Variants in VPS13C observed in about 807,000 individuals in gnomAD.
VPS13C encodes the protein vacuolar protein sorting 13 homolog C.
VPS13C carries 358 observed loss-of-function variants against 456.8 expected under a neutral mutation model. The observed-to-expected ratio is 0.78, with a 90% confidence interval of 0.72 to 0.86. The LOEUF (loss-of-function observed/expected upper bound fraction) is 0.86, where lower values mean the gene tolerates loss of function less well. Among genes scored for constraint, VPS13C ranks in the 40% least tolerant of loss-of-function variants. The pLI, the probability that VPS13C is intolerant of heterozygous loss-of-function variation, is 0.00. For missense variants in VPS13C, 4,818 were observed against 4,385.4 expected (o/e 1.10, Z -2.79); for synonymous variants, 1,578 against 1,486.7 (o/e 1.06, Z -1.41).
At chr15:61,964,913 T>C (rs765003312) in intron 30 of VPS13C, 52 bp from the exon 31 acceptor site, 2 of 1,544,018 alleles carry the variant, frequency 1.3e-6, no homozygotes, top group Admixed American at 1.9e-5. Flanking sequence ...TTATAACCTG[T>C]AGTCTCCACG....
intron 11 of VPS13C, among the ~76,000 whole-genome samples, 195 bp from the exon 12 acceptor site, chr15:62,012,359 T>C (rs948018026): frequency 2.0e-5 from 3 of 151,900 alleles, no homozygotes; most frequent in Middle Eastern, 3.2e-3. Flanking sequence ...CAGAAGCAGA[T>C]AATTTTAAGA....
rs2047897733 is a variant in VPS13C at position 62,033,812 on chromosome 15, G to C, written c.284-270C>G. 4.0e-5 allele frequency among the ~76,000 whole-genome samples: 6 copies of C among 151,400 alleles called. No individual in the cohort carries two copies. In the South Asian group the frequency reaches 1.2e-3, roughly 31 times the overall value. ...GAGACAGGAGGAGGGTGAGAACAAAGATAAGAAGTAGAAACAGAAGGAAGA... is the reference window on the plus strand; with the variant it reads ...GAGACAGGAGGAGGGTGAGAACAAACATAAGAAGTAGAAACAGAAGGAAGA... On this transcript the variant is annotated intron_variant, in intron 4 of 84. Transcript: ENST00000644861.
Position 61,946,345 on chromosome 15 carries a change from T to C in VPS13C, c.4942A>G (p.Ile1648Val). The part of the protein sequence containing the change: ...TDVFARLKDI[I>V]VMNVDLQSIH... Reference sequence around the variant, plus strand: ...GACTGCAAATCTACATTCATAACTATAATATCTTTAAGTCTGGCAAACACA... The same window carrying C: ...GACTGCAAATCTACATTCATAACTACAATATCTTTAAGTCTGGCAAACACA... Residue 1648 changes from isoleucine (I) to valine (V), a missense_variant, in exon 44 of 85, where the codon ATA becomes GTA. By Grantham distance (29) the Ile-to-Val change is conservative. Around this residue, in one of 3 missense-constraint regions of VPS13C, gnomAD observed 4,552 missense variants for 4,130.6 expected, o/e 1.10. Coordinates refer to ENST00000644861, the MANE Select transcript of VPS13C (RefSeq NM_020821.3). The C allele has an allele frequency of 1.2e-6, 2 of 1,608,726 alleles. No individual in the cohort carries two copies. The highest frequency in any genetic ancestry group is 8.5e-7 in the Non-Finnish European group (1 of 1,177,906).
Position 61,917,390 on chromosome 15 carries a change from G to C in VPS13C, c.8006C>G (p.Ser2669Cys), listed in dbSNP as rs1232516247. 2 of 1,613,948 alleles carry C rather than the reference G, an allele frequency of 1.2e-6. No homozygotes were observed. The highest frequency in any genetic ancestry group is 4.5e-5 in the East Asian group (2 of 44,862). ...TGGGAGAAGATTCCGCAAAGTGAGA[G>C]AAGGATAAAGATGAATAATGTAAGC... is the stretch of plus-strand genomic sequence containing the variant. ...DVAYIIHLYP[S>C]LTLRNLLPYS... The change falls in exon 60 of 85, where the codon TCT (serine) becomes TGT (cysteine). Residue 2669 changes from serine to cysteine, a missense_variant. Ser to Cys is a moderately radical substitution (Grantham distance 112, BLOSUM62 -1). Transcript: ENST00000644861.
intron 13 of VPS13C, among the ~76,000 whole-genome samples, chr15:62,008,999 CAAAAG>C (rs1341227503): frequency 6.6e-6 from 1 of 152,002 alleles, no homozygotes; most frequent in Admixed American, 6.6e-5. Flanking sequence ...GGTTCTACTA[CAAAAG>C]AAAACTGCTG....
intron 66 of VPS13C, among the ~76,000 whole-genome samples, chr15:61,904,114 A>G (rs983799473): frequency 6.6e-6 from 1 of 152,194 alleles, no homozygotes; most frequent in Non-Finnish European, 1.5e-5. Context: ...AATCAACACA[A>G]GTGAAAACAA....
At chr15:61,881,902 A>C in intron 69 of VPS13C, 74 bp from the exon 70 acceptor site, 1 of 1,289,078 alleles carries the variant, frequency 7.8e-7, no homozygotes, top group Non-Finnish European at 1.1e-6. Context: ...AATGTTATAG[A>C]AGAGGCCACC....
intron 50 of VPS13C, 114 bp downstream of exon 50, chr15:61,930,976 A>G: frequency 1.6e-6 from 2 of 1,235,996 alleles, no homozygotes; most frequent in South Asian, 2.5e-5. Flanking sequence ...ATCAGGAAGT[A>G]TGACCAAAAG....
At chr15:61,958,263 T>C (rs925047150) in intron 37 of VPS13C, among the ~76,000 whole-genome samples, 5 of 152,062 alleles carry the variant, frequency 3.3e-5, no homozygotes, top group African/African-American at 1.2e-4. Flanking sequence ...AAAAATCAGA[T>C]ACACTATGCT....
intron 47 of VPS13C, among the ~76,000 whole-genome samples, chr15:61,938,087 T>C (rs985372399): frequency 2.0e-5 from 3 of 152,158 alleles, no homozygotes; most frequent in Non-Finnish European, 4.4e-5. Context: ...TACAGAGCTA[T>C]TTAAGTACAA....
intron 6 of VPS13C, among the ~76,000 whole-genome samples, chr15:62,024,372 T>C (rs998118297): frequency 6.6e-6 from 1 of 152,116 alleles, no homozygotes; most frequent in East Asian, 1.9e-4. Context: ...GGGCATAACA[T>C]GTACATTGGA....
At chr15:61,854,794 A>G in intron 84 of VPS13C, 77 bp downstream of exon 84, 2 of 1,294,216 alleles carry the variant, frequency 1.5e-6, no homozygotes, top group Middle Eastern at 1.9e-4. Context: ...GGGAGAAATA[A>G]TGGTATTCAT....
At chr15:61,866,203 A>G (rs1233626314) in intron 81 of VPS13C, 4 of 984,844 alleles carry the variant, frequency 4.1e-6, no homozygotes, top group Non-Finnish European at 4.8e-6. Flanking sequence ...CCACGACAAA[A>G]ACTACCAAGT....
At chr15:61,902,535 G>C (rs2043032223) in intron 66 of VPS13C, among the ~76,000 whole-genome samples, 1 of 149,216 alleles carries the variant, frequency 6.7e-6, no homozygotes, top group Non-Finnish European at 1.5e-5. Flanking sequence ...GGGATGCAAG[G>C]ATGGTTCAAC....
intron 38 of VPS13C, 117 bp from the exon 39 acceptor site, chr15:61,952,097 T>C (rs1266798643): frequency 1.7e-6 from 2 of 1,168,446 alleles, no homozygotes; most frequent in Non-Finnish European, 2.4e-6. Context: ...AATGTTAAGA[T>C]GTGTACTTCT....
rs1399562094 is a variant in VPS13C at position 62,037,316 on chromosome 15, AT to A, written c.188-2265del. Among the ~76,000 whole-genome samples the A allele has an allele frequency of 1.6e-3, 119 of 72,930 alleles. 2 individuals carry two copies. The highest frequency in any genetic ancestry group is 4.4e-3 in the African/African-American group (78 of 17,922). 47.8% of individuals were successfully genotyped at this position (72,930 alleles called of 152,430 possible). ...TATTATATAATATATATATAAATAT[AT>A]TATATATTATATACATTTATATATA... On this transcript the variant is annotated intron_variant, in intron 3 of 84. Coordinates refer to ENST00000644861, the MANE Select transcript of VPS13C (RefSeq NM_020821.3).
intron 74 of VPS13C, 51 bp from the exon 75 acceptor site, chr15:61,877,105 A>G (rs1895483129): frequency 7.0e-7 from 1 of 1,429,752 alleles, no homozygotes; most frequent in East Asian, 2.4e-5. Flanking sequence ...ATATGATAAA[A>G]AAAGAGACTT....
intron 66 of VPS13C, among the ~76,000 whole-genome samples, chr15:61,895,164 T>C (rs144663007): frequency 2.1e-3 from 317 of 151,892 alleles, no homozygotes; most frequent in African/African-American, 7.1e-3. Context: ...TTAAAACAAA[T>C]GAAAATGGAA....
In VPS13C at chr15:61,874,839, A is replaced by C. The variant is rs770500350; in HGVS notation, c.10414+37T>G. 3 of 1,508,218 alleles carry C rather than the reference A, an allele frequency of 2.0e-6. 1 individual carries two copies. The South Asian group carries it at 3.9e-5, about 19-fold the overall frequency. The allele number at this position is 1,508,218 out of a possible 1,614,324, so 93.4% of individuals were successfully genotyped here. A position where few individuals can be genotyped will look rare whatever the true frequency, so the allele number is the denominator to read the frequency against. ...CAACGTATTTCATAACAATATAATA[A>C]AAAATATACACATATACACAAATAT... On this transcript the variant is annotated intron_variant, in intron 77 of 84. Transcript: ENST00000644861.
Sources: gnomAD v4.1 joint callset for allele counts (sites outside exome capture counted in the v4.1 genomes callset) on GRCh38, gnomAD v4.1.1 for gene constraint, gnomAD v4.1.1 regional missense constraint, MANE v1.5 for transcripts, NCBI Gene and HGNC (gene_info 2026-07-23, HGNC 2026-07-21) for gene names.